The following MIS18BP1 variants were observed in gnomAD, a reference collection of about 807,000 sequenced individuals.
The protein encoded by MIS18BP1 is mis18-binding protein 1.
MIS18BP1 carries 72 observed loss-of-function variants against 116.1 expected under a neutral mutation model. The ratio of observed to expected loss-of-function variants is 0.62; its 90% CI spans 0.51 to 0.75. MIS18BP1 has a LOEUF of 0.75. Ranked by LOEUF, MIS18BP1 falls within the 30% of genes least tolerant of loss-of-function variation. The pLI is 0.00. For missense variants in MIS18BP1, 1,363 were observed against 1,303.2 expected (o/e 1.05, Z -0.71); for synonymous variants, 386 against 427.0 (o/e 0.90, Z 1.18).
chr14:45,247,117 T>G lies in MIS18BP1; in HGVS notation c.170A>C (p.Asp57Ala). 1.9e-6 allele frequency: 3 copies of G among 1,612,822 alleles called. No homozygotes were observed. The highest frequency in any genetic ancestry group is 2.5e-6 in the Non-Finnish European group (3 of 1,179,888). ...KYQNSSLKLN[D>A]HKKNQFLKMT... Reference sequence around the variant, plus strand: ...TTTTAGGAACTGATTCTTTTTATGGTCATTCAATTTTAAGGAGGAGTTCTG... The same window carrying G: ...TTTTAGGAACTGATTCTTTTTATGGGCATTCAATTTTAAGGAGGAGTTCTG... The change falls in exon 2 of 17, where the codon GAC (aspartate) becomes GCC (alanine). Residue 57 changes from aspartate (D) to alanine (A), a missense_variant. Physicochemically the swap from Asp to Ala is moderately radical, Grantham distance 126. Transcript: ENST00000310806.
At chr14:45,243,302 G>T (rs1891635443) in intron 2 of MIS18BP1, among the ~76,000 whole-genome samples, 1 of 152,088 alleles carries the variant, frequency 6.6e-6, no homozygotes, top group African/African-American at 2.4e-5. Context: ...GATAGTCGAA[G>T]AATTGTAACT....
Position 45,204,128 on chromosome 14 carries a change from G to A in MIS18BP1, c.3380C>T (p.Ser1127Leu), listed in dbSNP as rs768165120. ...LDEEEKDYYF[S>L]NSDSA ...ATTTTACTATGCAGAATCAGAGTTCGAAAAATAATAATCTTTCTCTTCTTC... is the reference window on the plus strand; with the variant it reads ...ATTTTACTATGCAGAATCAGAGTTCAAAAAATAATAATCTTTCTCTTCTTC... The change falls in exon 17 of 17, where the codon TCG becomes TTG. Residue 1127 changes from serine to leucine, a missense_variant. By Grantham distance (145) the Ser-to-Leu change is moderately radical. Coordinates refer to ENST00000310806, the MANE Select transcript of MIS18BP1 (RefSeq NM_018353.5). The A allele has an allele frequency of 7.5e-6, 12 of 1,608,974 alleles. No homozygotes were observed. Among genetic ancestry groups the A allele is most frequent in the Admixed American group, 5.1e-5 (3 of 59,086 alleles).
intron 2 of MIS18BP1, among the ~76,000 whole-genome samples, chr14:45,244,694 A>G (rs1456981175): frequency 1.3e-5 from 2 of 152,224 alleles, no homozygotes; most frequent in Non-Finnish European, 2.9e-5. Flanking sequence ...CCAGGAAATC[A>G]AATTTAGGCC....
chr14:45,243,576 T>C (rs1474501732), intron 2 of MIS18BP1, among the ~76,000 whole-genome samples: 3 of 152,268 alleles, frequency 2.0e-5, no homozygotes, highest in South Asian at 2.1e-4. Context: ...AATTATCTTA[T>C]ATGTTTAATT....
chr14:45,242,250 T>C lies in MIS18BP1; in HGVS notation c.927A>G (p.Thr309=). Residue 309 remains threonine (T), a synonymous_variant, in exon 4 of 17, where the codon ACA becomes ACG. Transcript: ENST00000310806. Reference sequence around the variant, plus strand: ...CTTTCTGTTGCGAAGTCCCTTCTGTTGTCCTCTCACTATCAGAAACCATTA... The same window carrying C: ...CTTTCTGTTGCGAAGTCCCTTCTGTCGTCCTCTCACTATCAGAAACCATTA... ...SLLMVSDSER[T]TEGTSQQKVK... 2 of 1,614,148 alleles carry C rather than the reference T, an allele frequency of 1.2e-6. No individual in the cohort carries two copies. Among genetic ancestry groups the C allele is most frequent in the Non-Finnish European group, 1.7e-6 (2 of 1,180,010 alleles).
At position 45,231,170 on chromosome 14, in the gene MIS18BP1, G is replaced by A. The variant is rs750784851; in HGVS notation, c.1565C>T (p.Thr522Ile). 2 of 1,613,412 alleles carry A rather than the reference G, an allele frequency of 1.2e-6. No individual in the cohort carries two copies. Among genetic ancestry groups the A allele is most frequent in the African/African-American group, 2.7e-5 (2 of 74,888 alleles). ...NQTDTAQRAT[T>I]TYDFDCDNLE... ...ATTATCACAATCAAAATCGTAAGTG[G>A]TGGTGGCTCTTTGAGCAGTATCTGT... The change falls in exon 8 of 17, where the codon ACC becomes ATC. Residue 522 changes from threonine to isoleucine, a missense_variant. Transcript: ENST00000310806.
intron 9 of MIS18BP1, 66 bp downstream of exon 9, chr14:45,227,597 C>G: frequency 7.2e-7 from 1 of 1,394,756 alleles, no homozygotes; most frequent in African/African-American, 1.5e-5. Flanking sequence ...GGTCCCAAAC[C>G]TTTTCAGTAG....
chr14:45,252,767 T>TAA (rs35727165), intron 1 of MIS18BP1, among the ~76,000 whole-genome samples: 4 of 135,580 alleles, frequency 3.0e-5, no homozygotes, highest in Non-Finnish European at 4.9e-5. Context: ...CTTGGTATTC[T>TAA]AAAAAAAAAA....
intron 13 of MIS18BP1, among the ~76,000 whole-genome samples, chr14:45,213,059 T>A (rs1890719239): frequency 6.6e-6 from 1 of 152,224 alleles, no homozygotes; most frequent in African/African-American, 2.4e-5. Flanking sequence ...TTTTAAAAAA[T>A]TTTTATAAGT....
intron 4 of MIS18BP1, among the ~76,000 whole-genome samples, chr14:45,239,026 T>C (rs1182336586): frequency 1.3e-5 from 2 of 152,174 alleles, no homozygotes; most frequent in Non-Finnish European, 2.9e-5. Flanking sequence ...TCTTTTTGCC[T>C]TCTCCCACAT....
At chr14:45,235,617 A>C (rs1016962124) in intron 6 of MIS18BP1, among the ~76,000 whole-genome samples, 197 bp downstream of exon 6, 2 of 151,852 alleles carry the variant, frequency 1.3e-5, no homozygotes, top group Non-Finnish European at 2.9e-5. Context: ...ACAAAAACAC[A>C]TAACTTATTA....
In MIS18BP1 at chr14:45,204,069, T is replaced by C. The variant is rs572983645; in HGVS notation, c.*40A>G. 1 of 1,596,688 alleles carries C rather than the reference T, an allele frequency of 6.3e-7. No individual in the cohort carries two copies. The highest frequency in any genetic ancestry group is 1.3e-5 in the African/African-American group (1 of 74,128). On this transcript the variant is annotated 3_prime_UTR_variant, in exon 17 of 17. Coordinates refer to ENST00000310806, the MANE Select transcript of MIS18BP1 (RefSeq NM_018353.5). The stretch of plus-strand genomic sequence containing the variant: ...AGTTGAAAATACAAACACTGTCTGC[T>C]TTATGGTAAAAATCCCAGGAATCAT...
chr14:45,215,615 G>T (rs1356703467), intron 13 of MIS18BP1, among the ~76,000 whole-genome samples: 1 of 151,468 alleles, frequency 6.6e-6, no homozygotes, highest in African/African-American at 2.4e-5. Flanking sequence ...GTTTCACCAT[G>T]TTGGCCAGAA....
At chr14:45,251,378 TC>T (rs1891870061) in intron 1 of MIS18BP1, among the ~76,000 whole-genome samples, 1 of 152,132 alleles carries the variant, frequency 6.6e-6, no homozygotes, top group Admixed American at 6.5e-5. Flanking sequence ...TCAGAACGTA[TC>T]CCAGTCAGTT....
intron 8 of MIS18BP1, 126 bp downstream of exon 8, chr14:45,231,015 G>C: frequency 1.2e-6 from 1 of 844,654 alleles, no homozygotes; most frequent in Non-Finnish European, 1.7e-6. Context: ...AGGAATGTGG[G>C]GGCAGTATAA....
chr14:45,213,602 AAGT>A (rs879284306), intron 13 of MIS18BP1, among the ~76,000 whole-genome samples: 3 of 152,204 alleles, frequency 2.0e-5, no homozygotes, highest in Non-Finnish European at 2.9e-5. Flanking sequence ...CGTAGCATGA[AAGT>A]AGCCATAGAC....
intron 7 of MIS18BP1, 182 bp from the exon 8 acceptor site, chr14:45,231,480 G>GC: frequency 2.0e-6 from 1 of 506,096 alleles, no homozygotes; most frequent in South Asian, 3.6e-5. Context: ...AAGAACTGAG[G>GC]TGTAACATCT....
chr14:45,205,575 A>G (rs866685439), intron 15 of MIS18BP1, among the ~76,000 whole-genome samples: 1 of 152,178 alleles, frequency 6.6e-6, no homozygotes, highest in Non-Finnish European at 1.5e-5. Context: ...GGCATCTTTC[A>G]GTTAAAAATT....
Position 45,231,143 on chromosome 14 carries a change from A to G in MIS18BP1, c.1592T>C (p.Leu531Ser), listed in dbSNP as rs963081321. 6.2e-7 allele frequency: 1 copy of G among 1,610,860 alleles called. No individual in the cohort carries two copies. The highest frequency in any genetic ancestry group is 1.3e-5 in the African/African-American group (1 of 74,850). The change falls in exon 8 of 17, where the codon TTG becomes TCG. Residue 531 changes from leucine to serine, a missense_variant and splice_region_variant. Leu to Ser is a moderately radical substitution (Grantham distance 145). Coordinates refer to ENST00000310806, the MANE Select transcript of MIS18BP1 (RefSeq NM_018353.5). ...AGAGAAGTAAAGACAAAACATACCC[A>G]AATTATCACAATCAAAATCGTAAGT... ...TTTYDFDCDNLELKSNKHSES... is the reference protein window; with the variant it reads ...TTTYDFDCDNSELKSNKHSES...
Sources: gnomAD v4.1 joint callset for allele counts (sites outside exome capture counted in the v4.1 genomes callset) on GRCh38, gnomAD v4.1.1 for gene constraint, MANE v1.5 for transcripts, NCBI Gene and HGNC (gene_info 2026-07-23, HGNC 2026-07-21) for gene names.